Variants in DCHS2 observed in about 807,000 individuals in gnomAD.
DCHS2 encodes the protein protocadherin-23.
A neutral mutation model predicts 182.4 loss-of-function variants in DCHS2; 142 were observed. That is an observed-to-expected ratio of 0.78 (90% CI 0.68 to 0.89). The LOEUF (loss-of-function observed/expected upper bound fraction) is 0.89, where lower values mean the gene tolerates loss of function less well. Ranked by LOEUF, DCHS2 falls within the 40% of genes least tolerant of loss-of-function variation. The pLI, the probability that DCHS2 is intolerant of heterozygous loss-of-function variation, is 0.00. For missense variants in DCHS2, 4,319 were observed against 4,198.6 expected (o/e 1.03, Z -0.79); for synonymous variants, 1,740 against 1,663.3 (o/e 1.05, Z -1.12).
chr4:154,322,371 C>T lies in DCHS2; in HGVS notation c.4136G>A (p.Gly1379Glu), dbSNP rs375172550. The part of the protein sequence containing the change: ...YRMSVIATDQ[G>E]VPPLQGQAVV... ...TGCCTGTCCTTGAAGAGGAGGCACT[C>T]CCTGGTCAGTGGCAATGACACTCAT... Residue 1379 changes from glycine to glutamate, a missense_variant, in exon 8 of 20, where the codon GGA (glycine) becomes GAA (glutamate). Physicochemically the swap from Gly to Glu is moderately conservative, Grantham distance 98. Transcript: ENST00000357232. 1 of 1,613,630 alleles carries T rather than the reference C, an allele frequency of 6.2e-7. No individual in the cohort carries two copies. The highest frequency in any genetic ancestry group is 1.3e-5 in the African/African-American group (1 of 74,904).
At chr4:154,278,162 T>C (rs889036966) in intron 13 of DCHS2, among the ~76,000 whole-genome samples, 1 of 151,464 alleles carries the variant, frequency 6.6e-6, no homozygotes, top group Non-Finnish European at 1.5e-5. Flanking sequence ...AATAAAGAGA[T>C]AGAAACTAAT....
chr4:154,486,555 A>G, intron 1 of DCHS2: 1 of 1,301,272 alleles, frequency 7.7e-7, no homozygotes, highest in Non-Finnish European at 1.0e-6. Flanking sequence ...TGGCAACAGA[A>G]AGAAGGTACA....
intron 14 of DCHS2, among the ~76,000 whole-genome samples, chr4:154,266,003 C>G (rs1733236814): frequency 6.6e-6 from 1 of 152,134 alleles, no homozygotes; most frequent in African/African-American, 2.4e-5. Context: ...TTAACAACGA[C>G]TAATAAAATT....
At chr4:154,420,244 G>T (rs1339690409) in intron 1 of DCHS2, among the ~76,000 whole-genome samples, 2 of 142,974 alleles carry the variant, frequency 1.4e-5, no homozygotes, top group Admixed American at 1.5e-4. Context: ...GAGACAGACA[G>T]ACAGATAGAT....
rs540329291 is a variant in DCHS2 at position 154,351,820 on chromosome 4, C to T, written c.2476+14390G>A. On this transcript the variant is annotated intron_variant, in intron 3 of 19. Transcript: ENST00000357232. The stretch of plus-strand genomic sequence containing the variant: ...GATCTGACAGGAGGTAGAGCTCCGG[C>T]GGTAATGCTCACTCACCTCCCATTG... 1.1e-3 allele frequency among the ~76,000 whole-genome samples: 167 copies of T among 152,218 alleles called. No individual in the cohort carries two copies. The South Asian group carries it at 0.017, about 16-fold the overall frequency.
intron 1 of DCHS2, among the ~76,000 whole-genome samples, chr4:154,463,172 T>TACAC (rs200000926): frequency 7.1e-5 from 5 of 70,386 alleles, no homozygotes; most frequent in South Asian, 9.7e-4. Flanking sequence ...TGTATATATA[T>TACAC]ATACACACAC....
chr4:154,325,719 G>A (rs2111347244), intron 7 of DCHS2, among the ~76,000 whole-genome samples: 1 of 152,306 alleles, frequency 6.6e-6, no homozygotes. Context: ...CACCATTCAA[G>A]TGTCCTGAGA....
chr4:154,356,131 G>A (rs914221548), intron 3 of DCHS2, among the ~76,000 whole-genome samples: 17 of 152,114 alleles, frequency 1.1e-4, no homozygotes, highest in African/African-American at 3.6e-4. Context: ...AGATGTGGAG[G>A]TGGAAGACAG....
chr4:154,423,482 C>T (rs12500118), intron 1 of DCHS2, among the ~76,000 whole-genome samples: 44,157 of 152,144 alleles, frequency 0.29, 7,921 homozygotes, highest in East Asian at 0.67. Context: ...AACCATGTCT[C>T]ATTGCTTCCC....
chr4:154,393,028 A>G (rs2110853130), intron 1 of DCHS2, among the ~76,000 whole-genome samples: 1 of 152,182 alleles, frequency 6.6e-6, no homozygotes, highest in South Asian at 2.1e-4. Flanking sequence ...GTTTAATTTT[A>G]TCTTCATCTT....
rs561449560 is a variant in DCHS2, at chr4:154,391,544, GAGA to G, written c.2053-14103_2053-14101del. Among the ~76,000 whole-genome samples the G allele has an allele frequency of 2.6e-4, 39 of 152,280 alleles. 1 individual carries two copies. In the South Asian group the frequency reaches 7.9e-3, roughly 31 times the overall value. On this transcript the variant is annotated intron_variant, in intron 1 of 19. Coordinates refer to ENST00000357232, the MANE Select transcript of DCHS2 (RefSeq NM_001358235.2). ...CTGAGGCAAAGGAGTGCTTCTCTAG[GAGA>G]GGGACCATATGCAAATGGCAACAAA... is the stretch of plus-strand genomic sequence containing the variant.
chr4:154,257,789 A>G (rs971073396), intron 15 of DCHS2, among the ~76,000 whole-genome samples: 1 of 152,200 alleles, frequency 6.6e-6, no homozygotes, highest in Admixed American at 6.5e-5. Flanking sequence ...TGGGAACTCA[A>G]TGATTGGAAA....
intron 5 of DCHS2, chr4:154,331,804 A>G (rs956842863): frequency 2.5e-5 from 35 of 1,401,642 alleles, no homozygotes; most frequent in Non-Finnish European, 3.3e-5. Context: ...TTTCCCGGGT[A>G]TGTATTTGCA....
chr4:154,441,837 C>T (rs937948154), intron 1 of DCHS2, among the ~76,000 whole-genome samples: 1 of 151,900 alleles, frequency 6.6e-6, no homozygotes, highest in Non-Finnish European at 1.5e-5. Context: ...CCAATAAGCT[C>T]TTGTGGTTGA....
chr4:154,390,196 C>T lies in DCHS2; in HGVS notation c.2053-12752G>A, dbSNP rs1015600626. On this transcript the variant is annotated intron_variant, in intron 1 of 19. Coordinates refer to ENST00000357232, the MANE Select transcript of DCHS2 (RefSeq NM_001358235.2). ...TAGTTACATATGTATACATGTGCCA[C>T]GCTGGTGCGCTGCACCCACTAACTC... 1.2e-3 allele frequency among the ~76,000 whole-genome samples: 180 copies of T among 150,272 alleles called. 2 individuals carry two copies. Among genetic ancestry groups the T allele is most frequent in the African/African-American group, 3.8e-3 (155 of 40,898 alleles).
intron 1 of DCHS2, among the ~76,000 whole-genome samples, chr4:154,399,360 TAA>T (rs1430316936): frequency 1.3e-5 from 2 of 152,208 alleles, no homozygotes; most frequent in African/African-American, 4.8e-5. Flanking sequence ...ACAAATCTGT[TAA>T]GAGTTAGAGA....
intron 1 of DCHS2, among the ~76,000 whole-genome samples, chr4:154,425,829 C>T (rs1477729456): frequency 1.3e-5 from 2 of 152,184 alleles, no homozygotes; most frequent in South Asian, 2.1e-4. Flanking sequence ...CTAATTGCAT[C>T]TTTGCTTGGC....
intron 3 of DCHS2, among the ~76,000 whole-genome samples, chr4:154,343,918 T>A (rs1310306475): frequency 6.6e-6 from 1 of 152,234 alleles, no homozygotes; most frequent in African/African-American, 2.4e-5. Flanking sequence ...CTTAATCATA[T>A]CTAGCTTTTG....
chr4:154,256,121 AT>A (rs1481656005), intron 15 of DCHS2, among the ~76,000 whole-genome samples: 1 of 151,838 alleles, frequency 6.6e-6, no homozygotes, highest in African/African-American at 2.4e-5. Context: ...CTAGGTGTGA[AT>A]TTTTTTATAT....
Sources: allele counts gnomAD v4.1 joint callset (sites outside exome capture counted in the v4.1 genomes callset), GRCh38; gene constraint gnomAD v4.1.1; transcripts MANE v1.5; gene names NCBI Gene and HGNC (gene_info 2026-07-23, HGNC 2026-07-21).